The following VSIG10L variants were observed in gnomAD, a reference collection of about 807,000 sequenced individuals.
The protein encoded by VSIG10L is V-set and immunoglobulin domain containing 10 like.
A neutral mutation model predicts 67.3 loss-of-function variants in VSIG10L; 63 were observed. The observed-to-expected ratio is 0.94, with a 90% CI of 0.76 to 1.15. The LOEUF (loss-of-function observed/expected upper bound fraction) is 1.15, where lower values mean the gene tolerates loss of function less well. Among genes scored for constraint, VSIG10L ranks in the 50% most tolerant of loss-of-function variants. The pLI is 0.00. For synonymous variants in VSIG10L, 499 were observed against 524.9 expected (o/e 0.95, Z 0.67); for missense variants, 1,050 against 1,177.5 (o/e 0.89, Z 1.58).
At chr19:51,338,288 A>G (rs1985539371) in intron 5 of VSIG10L, 80 bp from the exon 6 acceptor site, 2 of 1,409,590 alleles carry the variant, frequency 1.4e-6, no homozygotes, top group Non-Finnish European at 1.9e-6. Context: ...CCTACTTTAA[A>G]TCAGATGGTG....
In VSIG10L at chr19:51,341,515, T is replaced by C. The variant is rs1180270955; in HGVS notation, c.533A>G (p.Glu178Gly). The C allele has an allele frequency of 2.6e-6, 4 of 1,550,910 alleles. No individual in the cohort carries two copies. The highest frequency in any genetic ancestry group is 3.5e-6 in the Non-Finnish European group (4 of 1,146,802). The part of the protein sequence containing the change: ...MDLKLSAQSP[E>G]SKFSAETHSA... The stretch of plus-strand genomic sequence containing the variant: ...GTGGGTCTCTGCAGAAAATTTGGAT[T>C]CAGGGCTCTGGGCAGAGAGTTTAAG... Residue 178 changes from glutamate to glycine, a missense_variant, in exon 2 of 10, where the codon GAA becomes GGA. By Grantham distance (98) the Glu-to-Gly change is moderately conservative. Around this residue, in one of 3 missense-constraint regions of VSIG10L, gnomAD observed 511 missense variants for 557.9 expected, o/e 0.92. Transcript: ENST00000335624.
Position 51,341,847 on chromosome 19 carries a change from C to T in VSIG10L, c.201G>A (p.Leu67=). The change falls in exon 2 of 10, where the codon CTG becomes CTA. Residue 67 remains leucine, a synonymous_variant. Transcript: ENST00000335624. The part of the protein sequence containing the change: ...PPSWKVPDQF[L]DSKASAGISD... The stretch of plus-strand genomic sequence containing the variant: ...AGATTCCAGCAGAGGCTTTTGAATC[C>T]AGGAACTGATCTGGAACTTTCCAGC... 2 of 1,551,642 alleles carry T rather than the reference C, an allele frequency of 1.3e-6. No homozygotes were observed. Among genetic ancestry groups the T allele is most frequent in the South Asian group, 2.4e-5 (2 of 84,050 alleles).
rs571644448 is a variant in VSIG10L at position 51,332,888 on chromosome 19, C to T, written c.2575-248G>A. Among the ~76,000 whole-genome samples the T allele has an allele frequency of 9.9e-5, 15 of 152,134 alleles. No individual in the cohort carries two copies. The South Asian group carries it at 2.9e-3, about 29-fold the overall frequency. On this transcript the variant is annotated intron_variant, in intron 9 of 9. Coordinates refer to ENST00000335624, the MANE Select transcript of VSIG10L (RefSeq NM_001163922.3). ...ATTTTGAGACAGGGTCTCACTCTGTCATCCAGGCTAGAGTACAGTGGCACC... is the reference window on the plus strand; with the variant it reads ...ATTTTGAGACAGGGTCTCACTCTGTTATCCAGGCTAGAGTACAGTGGCACC...
chr19:51,334,139 A>AT, intron 8 of VSIG10L, 52 bp downstream of exon 8: 3 of 1,537,788 alleles, frequency 2.0e-6, no homozygotes, highest in Non-Finnish European at 2.6e-6. Flanking sequence ...GCCTCTTTCT[A>AT]GGGTCCCTCC....
At position 51,334,422 on chromosome 19, in the gene VSIG10L, C is replaced by G. The variant is rs997174206; in HGVS notation, c.2306-118G>C. 1.8e-5 allele frequency: 14 copies of G among 763,684 alleles called. No individual in the cohort carries two copies. The Admixed American group carries it at 3.1e-4, about 17-fold the overall frequency. The allele number at this position is 763,684 out of a possible 1,614,324, so 47.3% of individuals were successfully genotyped here. On this transcript the variant is annotated intron_variant, in intron 7 of 9. Coordinates refer to ENST00000335624, the MANE Select transcript of VSIG10L (RefSeq NM_001163922.3). ...GAGTCCGGCCCCCACTGTCCCTCCCCTCCCAGAACCCAGGAATGTGGGACC... is the reference window on the plus strand; with the variant it reads ...GAGTCCGGCCCCCACTGTCCCTCCCGTCCCAGAACCCAGGAATGTGGGACC...
chr19:51,341,015 C>G (rs1188645092), intron 2 of VSIG10L, 138 bp downstream of exon 2: 5 of 1,302,448 alleles, frequency 3.8e-6, no homozygotes, highest in East Asian at 2.7e-5. Context: ...GCCTTGACCT[C>G]TAGCTCTTTT....
At chr19:51,333,509 A>G (rs1985404885) in intron 9 of VSIG10L, among the ~76,000 whole-genome samples, 1 of 151,424 alleles carries the variant, frequency 6.6e-6, no homozygotes, top group Admixed American at 6.6e-5. Flanking sequence ...AACCTGGGCA[A>G]CAAAGTGAGA....
rs1321785722 is a variant in VSIG10L at position 51,338,042 on chromosome 19, T to C, written c.1896A>G (p.Gln632=). 6.4e-7 allele frequency: 1 copy of C among 1,551,662 alleles called. No individual in the cohort carries two copies. The highest frequency in any genetic ancestry group is 1.2e-5 in the South Asian group (1 of 84,064). ...PGGGSRLRLS[Q]DGRKLHIGNF... ...TGCCGATGTGGAGTTTCCGCCCATCTTGACTGAGCCGCAGGCGACTCCCGC... is the reference window on the plus strand; with the variant it reads ...TGCCGATGTGGAGTTTCCGCCCATCCTGACTGAGCCGCAGGCGACTCCCGC... Residue 632 remains glutamine (Q), a synonymous_variant, in exon 6 of 10, where the codon CAA becomes CAG. Transcript: ENST00000335624.
chr19:51,333,505 G>A (rs181450067), intron 9 of VSIG10L, among the ~76,000 whole-genome samples: 1 of 151,266 alleles, frequency 6.6e-6, no homozygotes, highest in Non-Finnish European at 1.5e-5. Flanking sequence ...GTCCAACCTG[G>A]GCAACAAAGT....
At chr19:51,337,013 G>A (rs1045268633) in intron 7 of VSIG10L, among the ~76,000 whole-genome samples, 6 of 152,084 alleles carry the variant, frequency 3.9e-5, no homozygotes, top group Non-Finnish European at 5.9e-5. Context: ...TGATCCACCC[G>A]CCTTGGCCTC....
In VSIG10L at chr19:51,334,415, C is replaced by T. The variant is rs1599832207; in HGVS notation, c.2306-111G>A. The T allele has an allele frequency of 1.1e-5, 9 of 821,774 alleles. No individual in the cohort carries two copies. The East Asian group carries it at 2.4e-4, about 22-fold the overall frequency. The allele number at this position is 821,774 out of a possible 1,614,324, so 50.9% of individuals were successfully genotyped here. ...GACCCAGGAGTCCGGCCCCCACTGT[C>T]CCTCCCCTCCCAGAACCCAGGAATG... On this transcript the variant is annotated intron_variant, in intron 7 of 9. Coordinates refer to ENST00000335624, the MANE Select transcript of VSIG10L (RefSeq NM_001163922.3).
At position 51,338,059 on chromosome 19, in the gene VSIG10L, G is replaced by A. The variant is rs577495235; in HGVS notation, c.1879C>T (p.Arg627Cys). Residue 627 changes from arginine to cysteine, a missense_variant, in exon 6 of 10, where the codon CGC becomes TGC. This residue lies in a region of VSIG10L where 529 missense variants were observed against 584.9 expected (regional missense o/e 0.90). Transcript: ENST00000335624. ...GRPLAPGGGS[R>C]LRLSQDGRKL... ...CGCCCATCTTGACTGAGCCGCAGGC[G>A]ACTCCCGCCTCCTGGAGCCAGGGGC... 11 of 1,551,598 alleles carry A rather than the reference G, an allele frequency of 7.1e-6. No homozygotes were observed. The East Asian group carries it at 1.5e-4, about 21-fold the overall frequency.
At chr19:51,338,773 C>G (rs1985550496) in intron 5 of VSIG10L, 115 bp downstream of exon 5, 1 of 1,193,174 alleles carries the variant, frequency 8.4e-7, no homozygotes, top group African/African-American at 1.6e-5. Context: ...CAGTGAAGTC[C>G]TGCCTCTTTC....
rs1001253020 is a variant in VSIG10L at position 51,336,903 on chromosome 19, A to G, written c.2305+335T>C. 2.7e-5 allele frequency among the ~76,000 whole-genome samples: 4 copies of G among 150,290 alleles called. No homozygotes were observed. In the South Asian group the frequency reaches 8.5e-4, roughly 32 times the overall value. On this transcript the variant is annotated intron_variant, in intron 7 of 9. Coordinates refer to ENST00000335624, the MANE Select transcript of VSIG10L (RefSeq NM_001163922.3). Reference sequence around the variant, plus strand: ...TGCCTCAGCCTCCCCAGTAGCTGGGACTACAGGCGCCCGCCACCGCGCCAG... The same window carrying G: ...TGCCTCAGCCTCCCCAGTAGCTGGGGCTACAGGCGCCCGCCACCGCGCCAG...
rs1052110429 is a variant in VSIG10L, at chr19:51,337,599, G to A, written c.2009-65C>T. ...AGGGGAGAGGGAAGGGGGCTGGGGGGCTGGGCTCCTGGGTCTGAGGGGGAG... is the reference window on the plus strand; with the variant it reads ...AGGGGAGAGGGAAGGGGGCTGGGGGACTGGGCTCCTGGGTCTGAGGGGGAG... On this transcript the variant is annotated intron_variant, in intron 6 of 9. Transcript: ENST00000335624. 63 of 1,264,146 alleles carry A rather than the reference G, an allele frequency of 5.0e-5. No homozygotes were observed. In the African/African-American group the frequency reaches 8.5e-4, roughly 17 times the overall value. 78.3% of individuals were successfully genotyped at this position (1,264,146 alleles called of 1,614,324 possible).
rs542015744 is a variant in VSIG10L at position 51,340,892 on chromosome 19, G to A, written c.896-166C>T. Among the ~76,000 whole-genome samples, 1 of 151,970 alleles carries A rather than the reference G, an allele frequency of 6.6e-6. No individual in the cohort carries two copies. The highest frequency in any genetic ancestry group is 1.5e-5 in the Non-Finnish European group (1 of 67,988). ...TTGAGCCCCCAGACACCTCCTCTCC[G>A]GGACCCAGGAGTTCGCCAGAAGAGG... is the stretch of plus-strand genomic sequence containing the variant. On this transcript the variant is annotated intron_variant, in intron 2 of 9. Transcript: ENST00000335624. This position sits in a 1 kb window ranked among gnomAD's most constrained non-coding sequence, Gnocchi z 6.3.
intron 9 of VSIG10L, 28 bp from the exon 10 acceptor site, chr19:51,332,668 G>A (rs1271486257): frequency 3.2e-6 from 5 of 1,546,226 alleles, no homozygotes; most frequent in Non-Finnish European, 4.4e-6. Context: ...GGTGAGGGGA[G>A]AACTCAGTAG....
Position 51,340,362 on chromosome 19 carries a change from C to T in VSIG10L, c.1190-63G>A. 2.0e-6 allele frequency: 3 copies of T among 1,464,552 alleles called. No homozygotes were observed. Among genetic ancestry groups the T allele is most frequent in the Admixed American group, 2.3e-5 (1 of 43,290 alleles). 90.7% of individuals were successfully genotyped at this position (1,464,552 alleles called of 1,614,324 possible). ...TCACCTGGGACGCCGCTAGGACTCC[C>T]GGAGACTGGGTCCCCAGCCCGCTTC... On this transcript the variant is annotated intron_variant, in intron 3 of 9. Coordinates refer to ENST00000335624, the MANE Select transcript of VSIG10L (RefSeq NM_001163922.3). This position sits in a 1 kb window ranked among gnomAD's most constrained non-coding sequence, Gnocchi z 6.3.
Position 51,339,184 on chromosome 19 carries a change from C to G in VSIG10L, c.1475-42G>C, listed in dbSNP as rs944272218. 8.7e-6 allele frequency: 11 copies of G among 1,266,194 alleles called. No homozygotes were observed. In the African/African-American group the frequency reaches 1.7e-4, roughly 20 times the overall value. The allele number at this position is 1,266,194 out of a possible 1,614,324, so 78.4% of individuals were successfully genotyped here. A position where few individuals can be genotyped will look rare whatever the true frequency, so the allele number is the denominator to read the frequency against. ...GAGAATGAAGATGGAGTCCCTTTCT[C>G]ATTTCTTCTCCAGCCCCGCCTCCCC... is the stretch of plus-strand genomic sequence containing the variant. On this transcript the variant is annotated intron_variant, in intron 4 of 9. Coordinates refer to ENST00000335624, the MANE Select transcript of VSIG10L (RefSeq NM_001163922.3).
Sources: allele counts gnomAD v4.1 joint callset (sites outside exome capture counted in the v4.1 genomes callset), GRCh38; gene constraint gnomAD v4.1.1; regional missense constraint gnomAD v4.1.1; non-coding constraint Gnocchi (gnomAD v3.1); transcripts MANE v1.5; gene names NCBI Gene and HGNC (gene_info 2026-07-23, HGNC 2026-07-21).